The following CDK13 variants were observed in gnomAD, a reference collection of about 807,000 sequenced individuals.
CDK13 encodes the protein cyclin-dependent kinase 13.
CDK13 carries 40 observed loss-of-function variants against 137.6 expected under a neutral mutation model. The ratio of observed to expected loss-of-function variants is 0.29; its 90% CI spans 0.23 to 0.38. CDK13 has a LOEUF of 0.38. Among genes scored for constraint, CDK13 ranks in the 10% least tolerant of loss-of-function variants. CDK13 has a pLI of 1.00. For synonymous variants in CDK13, 869 were observed against 760.1 expected (o/e 1.14, Z -2.36); for missense variants, 1,704 against 1,951.8 (o/e 0.87, Z 2.39).
intron 1 of CDK13, among the ~76,000 whole-genome samples, chr7:39,983,214 A>G (rs1177393022): frequency 6.6e-6 from 1 of 152,110 alleles, no homozygotes; most frequent in Non-Finnish European, 1.5e-5. Context: ...TAAGGAAGGG[A>G]TCCAGTTTCA....
chr7:40,001,785 A>G (rs376578929), intron 4 of CDK13, 76 bp from the exon 5 acceptor site: 7 of 917,850 alleles, frequency 7.6e-6, no homozygotes, highest in Non-Finnish European at 1.2e-5. Context: ...AATTGAATTA[A>G]AATACATTTA....
At chr7:39,970,549 C>T (rs1163972488) in intron 1 of CDK13, among the ~76,000 whole-genome samples, 2 of 151,988 alleles carry the variant, frequency 1.3e-5, no homozygotes, top group Non-Finnish European at 2.9e-5. Flanking sequence ...CAACCTCCGC[C>T]TCCCAGGTTC....
chr7:39,961,634 CTT>C (rs35062975), intron 1 of CDK13, among the ~76,000 whole-genome samples: 15 of 147,286 alleles, frequency 1.0e-4, no homozygotes, highest in Middle Eastern at 3.5e-3. Context: ...TAATTTACTT[CTT>C]TTTTTTTTTT....
Position 40,097,489 on chromosome 7 carries a change from A to C in CDK13, c.*2509A>C, listed in dbSNP as rs1356217725. 1 of 152,132 alleles carries C rather than the reference A, an allele frequency of 6.6e-6. No individual in the cohort carries two copies. The highest frequency in any genetic ancestry group is 1.5e-5 in the Non-Finnish European group (1 of 67,962). The allele number at this position is 152,132 out of a possible 1,614,324, so 9.4% of individuals were successfully genotyped here. On this transcript the variant is annotated 3_prime_UTR_variant, in exon 14 of 14. Transcript: ENST00000181839. ...TATTTTAATTCAGTGAATTTGGATTAATAGAACAAAGTTGGGAAATCACTA... is the reference window on the plus strand; with the variant it reads ...TATTTTAATTCAGTGAATTTGGATTCATAGAACAAAGTTGGGAAATCACTA...
At chr7:40,090,651 G>A (rs184916740) in intron 12 of CDK13, among the ~76,000 whole-genome samples, 4 of 152,272 alleles carry the variant, frequency 2.6e-5, no homozygotes, top group African/African-American at 4.8e-5. Flanking sequence ...CTGGGAGGCC[G>A]GGGCGGGCTG....
At chr7:40,075,458 A>G (rs1786525378) in intron 9 of CDK13, among the ~76,000 whole-genome samples, 1 of 152,132 alleles carries the variant, frequency 6.6e-6, no homozygotes, top group Non-Finnish European at 1.5e-5. Context: ...TGAAATTTTT[A>G]TTGAAATAAA....
Position 39,951,334 on chromosome 7 carries a change from C to G in CDK13, c.693C>G (p.Ser231=). 1.4e-6 allele frequency: 2 copies of G among 1,447,080 alleles called. No homozygotes were observed. Among genetic ancestry groups the G allele is most frequent in the Non-Finnish European group, 1.8e-6 (2 of 1,108,810 alleles). 89.6% of individuals were successfully genotyped at this position (1,447,080 alleles called of 1,614,324 possible). A position where few individuals can be genotyped will look rare whatever the true frequency, so the allele number is the denominator to read the frequency against. ...GQRGGSEASK[S]RSRHSHSGEE... Reference sequence around the variant, plus strand: ...GCGGTGGCAGCGAGGCCTCCAAGTCCCGCAGCCGCCACAGCCACAGCGGCG... The same window carrying G: ...GCGGTGGCAGCGAGGCCTCCAAGTCGCGCAGCCGCCACAGCCACAGCGGCG... Residue 231 remains serine (S), a synonymous_variant, in exon 1 of 14, where the codon TCC becomes TCG. Transcript: ENST00000181839.
At chr7:40,040,993 T>G (rs746016972) in intron 5 of CDK13, among the ~76,000 whole-genome samples, 11 of 152,170 alleles carry the variant, frequency 7.2e-5, no homozygotes, top group Non-Finnish European at 1.6e-4. Context: ...TTTAAAATCA[T>G]CTGGTAACTT....
At chr7:39,964,251 G>A (rs1287531281) in intron 1 of CDK13, among the ~76,000 whole-genome samples, 7 of 152,204 alleles carry the variant, frequency 4.6e-5, no homozygotes, top group African/African-American at 1.7e-4. Context: ...TGTGGTCCTG[G>A]ACTTTTTTTG....
Position 40,069,248 on chromosome 7 carries a change from TAAAA to T in CDK13, c.2780+6149_2780+6152del. 1.8e-5 allele frequency: 8 copies of T among 441,122 alleles called. No homozygotes were observed. The Middle Eastern group carries it at 1.6e-3, about 89-fold the overall frequency. The allele number at this position is 441,122 out of a possible 1,614,324, so 27.3% of individuals were successfully genotyped here. A position where few individuals can be genotyped will look rare whatever the true frequency, so the allele number is the denominator to read the frequency against. ...AGACCTTGTCTCAAAAAAACAGAAA[TAAAA>T]CAACAAAACATAAAAAGATGCTTCA... On this transcript the variant is annotated intron_variant, in intron 9 of 13. Coordinates refer to ENST00000181839, the MANE Select transcript of CDK13 (RefSeq NM_003718.5).
At chr7:40,031,523 A>G (rs540540418) in intron 5 of CDK13, among the ~76,000 whole-genome samples, 67 of 152,270 alleles carry the variant, frequency 4.4e-4, no homozygotes, top group Non-Finnish European at 8.4e-4. Context: ...CTCTGTCTCG[A>G]AAAAAAGAAA....
At chr7:39,996,981 A>AG (rs1784575845) in intron 2 of CDK13, among the ~76,000 whole-genome samples, 1 of 150,456 alleles carries the variant, frequency 6.6e-6, no homozygotes. Flanking sequence ...AAAAAAGAAA[A>AG]AAAAAAAGAA....
intron 2 of CDK13, among the ~76,000 whole-genome samples, chr7:39,990,949 T>C (rs1429908597): frequency 6.6e-6 from 1 of 152,258 alleles, no homozygotes; most frequent in Non-Finnish European, 1.5e-5. Flanking sequence ...AAATATGATT[T>C]ACATTGTATA....
intron 1 of CDK13, among the ~76,000 whole-genome samples, chr7:39,980,424 A>G (rs1258456087): frequency 1.3e-5 from 2 of 152,256 alleles, no homozygotes; most frequent in Admixed American, 1.3e-4. Context: ...GTGCTGTTAC[A>G]TATAGTTAAT....
At position 40,021,804 on chromosome 7, in the gene CDK13, A is replaced by G. The variant is rs183487430; in HGVS notation, c.2353+19773A>G. On this transcript the variant is annotated intron_variant, in intron 5 of 13. Coordinates refer to ENST00000181839, the MANE Select transcript of CDK13 (RefSeq NM_003718.5). The stretch of plus-strand genomic sequence containing the variant: ...GGAAAAGTTAGAATTTTTGTCATGC[A>G]CTAAATATGTGAAAAATAGCAACTA... Among the ~76,000 whole-genome samples, 12 of 151,962 alleles carry G rather than the reference A, an allele frequency of 7.9e-5. No homozygotes were observed. The East Asian group carries it at 2.3e-3, about 29-fold the overall frequency.
chr7:40,048,898 C>T (rs1244057758), intron 7 of CDK13: 3 of 150,792 alleles, frequency 2.0e-5, no homozygotes, highest in East Asian at 3.9e-4. Flanking sequence ...TCCATGAAAC[C>T]CCTCAGAAAG....
intron 1 of CDK13, among the ~76,000 whole-genome samples, chr7:39,965,223 G>GCTAA (rs1783841432): frequency 6.6e-6 from 1 of 152,136 alleles, no homozygotes; most frequent in East Asian, 1.9e-4. Context: ...TGACAGTGGG[G>GCTAA]TGTTAAAGTC....
At chr7:39,957,763 A>G (rs1787464454) in intron 1 of CDK13, among the ~76,000 whole-genome samples, 1 of 152,214 alleles carries the variant, frequency 6.6e-6, no homozygotes, top group South Asian at 2.1e-4. Context: ...TAATCTTTAA[A>G]GAGAAAATTT....
chr7:39,995,563 G>T (rs1162723704), intron 2 of CDK13, among the ~76,000 whole-genome samples: 1 of 152,170 alleles, frequency 6.6e-6, no homozygotes, highest in Non-Finnish European at 1.5e-5. Context: ...CAGACTGTAA[G>T]CTCTTTTTGA....
Sources: allele counts gnomAD v4.1 joint callset (sites outside exome capture counted in the v4.1 genomes callset), GRCh38; gene constraint gnomAD v4.1.1; transcripts MANE v1.5; gene names NCBI Gene and HGNC (gene_info 2026-07-23, HGNC 2026-07-21).